The following NSMCE2 variants were observed in gnomAD, a reference collection of about 807,000 sequenced individuals.
NSMCE2 encodes the protein E3 SUMO-protein ligase NSE2.
NSMCE2 carries 24 observed loss-of-function variants against 23.8 expected under a neutral mutation model. The observed-to-expected ratio is 1.01, with a 90% CI of 0.73 to 1.42. NSMCE2 has a LOEUF of 1.42. NSMCE2 is among the 40% of genes most tolerant of loss of function. The probability of loss-of-function intolerance (pLI) is 0.00; values close to 1 mark genes in which losing one functional copy is unlikely to be tolerated. For missense variants in NSMCE2, 284 were observed against 296.5 expected (o/e 0.96, Z 0.31); for synonymous variants, 92 against 94.1 (o/e 0.98, Z 0.13).
intron 5 of NSMCE2, among the ~76,000 whole-genome samples, chr8:125,349,917 CTAAAACCTA>C (rs1301785372): frequency 6.6e-6 from 1 of 152,164 alleles, no homozygotes; most frequent in Non-Finnish European, 1.5e-5. Context: ...TGTCATTTGG[CTAAAACCTA>C]TAAAATCATC....
intron 5 of NSMCE2, among the ~76,000 whole-genome samples, chr8:125,326,656 A>T (rs1829674663): frequency 6.6e-6 from 1 of 152,198 alleles, no homozygotes; most frequent in South Asian, 2.1e-4. Flanking sequence ...AAGATTGGTT[A>T]AAAAGATAAA....
Position 125,128,475 on chromosome 8 carries a change from C to G in NSMCE2, c.158-22696C>G, listed in dbSNP as rs117475948. Among the ~76,000 whole-genome samples, 38 of 152,276 alleles carry G rather than the reference C, an allele frequency of 2.5e-4. No homozygotes were observed. The East Asian group carries it at 6.9e-3, about 28-fold the overall frequency. On this transcript the variant is annotated intron_variant, in intron 3 of 7. Coordinates refer to ENST00000287437, the MANE Select transcript of NSMCE2 (RefSeq NM_173685.4). ...AAAGGAAGAAGTCAATGGTGATACT[C>G]AAATTTCTGACATACGCATCTATGT... is the stretch of plus-strand genomic sequence containing the variant.
chr8:125,304,655 A>C (rs909732820), intron 5 of NSMCE2, among the ~76,000 whole-genome samples: 5 of 152,020 alleles, frequency 3.3e-5, no homozygotes, highest in African/African-American at 1.2e-4. Context: ...TCAAGAGTTC[A>C]AGACCAACCT....
rs148094571 is a variant in NSMCE2, at chr8:125,195,695, C to T, written c.418+13439C>T. ...CATGGAGCTTACATTCTGGCACTGA[C>T]CATCAACCCACTTTACAGTATTTTG... On this transcript the variant is annotated intron_variant, in intron 5 of 7. Transcript: ENST00000287437. 1.2e-3 allele frequency among the ~76,000 whole-genome samples: 189 copies of T among 152,120 alleles called. 2 individuals are homozygous for T. The highest frequency in any genetic ancestry group is 1.9e-3 in the Non-Finnish European group (132 of 67,996).
chr8:125,148,144 T>C (rs1459439544), intron 3 of NSMCE2, among the ~76,000 whole-genome samples: 1 of 152,192 alleles, frequency 6.6e-6, no homozygotes, highest in Admixed American at 6.5e-5. Flanking sequence ...TCTTTCCTAG[T>C]GTTCTTCAGC....
intron 3 of NSMCE2, among the ~76,000 whole-genome samples, chr8:125,115,282 C>A (rs1425491147): frequency 6.6e-6 from 1 of 152,168 alleles, no homozygotes; most frequent in African/African-American, 2.4e-5. Flanking sequence ...ACCAGCACCC[C>A]CCTGGGCATA....
chr8:125,328,890 T>C (rs1449729003), intron 5 of NSMCE2, among the ~76,000 whole-genome samples: 1 of 152,116 alleles, frequency 6.6e-6, no homozygotes, highest in Non-Finnish European at 1.5e-5. Flanking sequence ...AAACATCTAG[T>C]CACTGTTTCA....
intron 5 of NSMCE2, among the ~76,000 whole-genome samples, chr8:125,283,983 C>A (rs910173031): frequency 5.3e-5 from 8 of 152,000 alleles, no homozygotes; most frequent in Non-Finnish European, 1.2e-4. Flanking sequence ...GAAACCCCGT[C>A]TCTACTAAAA....
intron 5 of NSMCE2, among the ~76,000 whole-genome samples, chr8:125,202,902 A>G (rs1563716884): frequency 6.6e-6 from 1 of 152,232 alleles, no homozygotes; most frequent in East Asian, 1.9e-4. Context: ...TGGGAACAAA[A>G]AAATGTTGAC....
intron 5 of NSMCE2, among the ~76,000 whole-genome samples, chr8:125,193,937 T>G (rs1443022875): frequency 6.6e-6 from 1 of 152,190 alleles, no homozygotes; most frequent in Non-Finnish European, 1.5e-5. Flanking sequence ...TGCCAGGTCC[T>G]TGTCACTTTG....
intron 1 of NSMCE2, among the ~76,000 whole-genome samples, chr8:125,093,102 C>T (rs1817752818): frequency 6.6e-6 from 1 of 152,174 alleles, no homozygotes; most frequent in African/African-American, 2.4e-5. Flanking sequence ...ACGGAAATGC[C>T]ATAAACTAGG....
chr8:125,174,181 T>C (rs752949084), intron 4 of NSMCE2, among the ~76,000 whole-genome samples: 72 of 152,274 alleles, frequency 4.7e-4, no homozygotes, highest in Middle Eastern at 3.4e-3. Flanking sequence ...AATAATCTGC[T>C]TGATTATTTG....
At chr8:125,361,375 CT>C (rs1813547922) in intron 7 of NSMCE2, among the ~76,000 whole-genome samples, 1 of 143,014 alleles carries the variant, frequency 7.0e-6, no homozygotes, top group Non-Finnish European at 1.5e-5. Flanking sequence ...ACCACAGTCA[CT>C]TTTTTGCTTT....
At chr8:125,220,775 G>T (rs937561082) in intron 5 of NSMCE2, among the ~76,000 whole-genome samples, 11 of 152,088 alleles carry the variant, frequency 7.2e-5, no homozygotes, top group African/African-American at 2.7e-4. Flanking sequence ...TGCTGGCTTA[G>T]AATTTTCTTC....
chr8:125,133,274 G>A (rs1819865669), intron 3 of NSMCE2, among the ~76,000 whole-genome samples: 3 of 152,156 alleles, frequency 2.0e-5, no homozygotes, highest in Non-Finnish European at 4.4e-5. Context: ...TATTTAAGTA[G>A]AAAAGTTTGT....
chr8:125,351,748 C>T (rs191335635), intron 5 of NSMCE2, among the ~76,000 whole-genome samples: 2 of 152,212 alleles, frequency 1.3e-5, no homozygotes, highest in African/African-American at 4.8e-5. Flanking sequence ...TGGTGGCTCA[C>T]ACCTGTAATC....
intron 5 of NSMCE2, among the ~76,000 whole-genome samples, chr8:125,245,898 C>T (rs117888045): frequency 0.074 from 11,262 of 151,930 alleles, 492 homozygotes; most frequent in African/African-American, 0.11. Flanking sequence ...TGGTGAGGCA[C>T]CTGTAATCCC....
chr8:125,116,413 A>C (rs1819009092), intron 3 of NSMCE2, among the ~76,000 whole-genome samples: 1 of 152,120 alleles, frequency 6.6e-6, no homozygotes, highest in African/African-American at 2.4e-5. Flanking sequence ...TAAAAAAATT[A>C]TTATTATTTC....
chr8:125,248,320 C>G (rs1336142603), intron 5 of NSMCE2, among the ~76,000 whole-genome samples: 1 of 152,138 alleles, frequency 6.6e-6, no homozygotes, highest in Non-Finnish European at 1.5e-5. Context: ...TTCAAACTTG[C>G]AAGCATTCAG....
Sources: gnomAD v4.1 joint callset for allele counts (sites outside exome capture counted in the v4.1 genomes callset) on GRCh38, gnomAD v4.1.1 for gene constraint, MANE v1.5 for transcripts, NCBI Gene and HGNC (gene_info 2026-07-23, HGNC 2026-07-21) for gene names.